The following TENM4 variants were observed in gnomAD, a reference collection of about 807,000 sequenced individuals.
TENM4 encodes teneurin transmembrane protein 4.
Under a neutral mutation model 243.3 loss-of-function variants are expected in TENM4, and 82 were observed. The observed-to-expected ratio is 0.34, with a 90% CI of 0.28 to 0.40. TENM4 has a LOEUF of 0.40. TENM4 is among the 10% of genes least tolerant of loss of function. The pLI is 1.00. For synonymous variants in TENM4, 1,412 were observed against 1,456.3 expected (o/e 0.97, Z 0.69); for missense variants, 3,138 against 3,673.3 (o/e 0.85, Z 3.77).
chr11:79,238,398 C>A (rs1478076659), intron 2 of TENM4, among the ~76,000 whole-genome samples: 1 of 152,120 alleles, frequency 6.6e-6, no homozygotes, highest in African/African-American at 2.4e-5. Flanking sequence ...CCCTTGAGGA[C>A]CTGAATAGAA....
intron 14 of TENM4, among the ~76,000 whole-genome samples, chr11:78,810,919 T>C (rs1857485917): frequency 6.6e-6 from 1 of 152,174 alleles, no homozygotes; most frequent in African/African-American, 2.4e-5. Flanking sequence ...GCACACAGCA[T>C]CATCCGTCAG....
At chr11:79,386,770 C>CA (rs1858121396) in intron 1 of TENM4, among the ~76,000 whole-genome samples, 2 of 149,890 alleles carry the variant, frequency 1.3e-5, no homozygotes. Context: ...TTTAAGTGAG[C>CA]AAAAAAATTT....
intron 10 of TENM4, among the ~76,000 whole-genome samples, chr11:78,857,446 G>A (rs1377323199): frequency 6.6e-6 from 1 of 152,112 alleles, no homozygotes; most frequent in Non-Finnish European, 1.5e-5. Flanking sequence ...ATGAAGCCTG[G>A]CAGGGCATTG....
intron 1 of TENM4, among the ~76,000 whole-genome samples, chr11:79,365,558 A>G (rs1356616205): frequency 8.5e-5 from 13 of 152,196 alleles, no homozygotes; most frequent in Non-Finnish European, 7.3e-5. Flanking sequence ...TCTATTCCAG[A>G]AACATTTTTG....
At chr11:79,363,053 C>A (rs1050414790) in intron 1 of TENM4, among the ~76,000 whole-genome samples, 3 of 152,216 alleles carry the variant, frequency 2.0e-5, no homozygotes, top group African/African-American at 7.2e-5. Context: ...AGGTGGATTG[C>A]AACTCCTGAT....
At chr11:78,921,564 C>T (rs1856448222) in intron 6 of TENM4, among the ~76,000 whole-genome samples, 1 of 152,222 alleles carries the variant, frequency 6.6e-6, no homozygotes, top group African/African-American at 2.4e-5. Flanking sequence ...GACTGTACAG[C>T]ATAGCGGGGC....
chr11:79,184,634 G>T (rs186320377), intron 3 of TENM4, among the ~76,000 whole-genome samples: 1 of 152,086 alleles, frequency 6.6e-6, no homozygotes, highest in Admixed American at 6.5e-5. Context: ...GACAAATACC[G>T]TATGATTCCA....
At chr11:79,315,587 C>T (rs1386726688) in intron 1 of TENM4, among the ~76,000 whole-genome samples, 1 of 152,190 alleles carries the variant, frequency 6.6e-6, no homozygotes. Flanking sequence ...TGTAGACACA[C>T]GGCATCAGGA....
chr11:79,074,956 C>A (rs938231603), intron 4 of TENM4, among the ~76,000 whole-genome samples: 1 of 152,188 alleles, frequency 6.6e-6, no homozygotes, highest in Non-Finnish European at 1.5e-5. Context: ...GCTCTCAGAC[C>A]CTGCTGCACC....
intron 6 of TENM4, among the ~76,000 whole-genome samples, chr11:78,992,457 C>T (rs571222927): frequency 6.6e-6 from 1 of 152,278 alleles, no homozygotes; most frequent in South Asian, 2.1e-4. Context: ...CTGTGCATTG[C>T]TTTAGGTTAG....
At chr11:79,225,011 T>C (rs1028564204) in intron 2 of TENM4, among the ~76,000 whole-genome samples, 4 of 151,612 alleles carry the variant, frequency 2.6e-5, no homozygotes, top group Admixed American at 6.6e-5. Flanking sequence ...ACAGGGAAGA[T>C]GCCAGGTGAA....
chr11:79,164,999 A>G (rs948617161), intron 3 of TENM4, among the ~76,000 whole-genome samples: 2 of 148,018 alleles, frequency 1.4e-5, no homozygotes, highest in African/African-American at 2.5e-5. Flanking sequence ...GTGTGTGTAT[A>G]CATATATATA....
chr11:78,876,656 T>C (rs952515887), intron 9 of TENM4, among the ~76,000 whole-genome samples: 5 of 152,198 alleles, frequency 3.3e-5, no homozygotes, highest in Non-Finnish European at 5.9e-5. Context: ...CTGCATAGAA[T>C]TGCCATCAGC....
chr11:79,062,384 GCT>G (rs71473397), intron 6 of TENM4, among the ~76,000 whole-genome samples: 39,823 of 152,006 alleles, frequency 0.26, 5,495 homozygotes, highest in Middle Eastern at 0.31. Context: ...ATTTCATTTA[GCT>G]CAGCTAGACC....
intron 1 of TENM4, among the ~76,000 whole-genome samples, chr11:79,348,619 T>G (rs1169224889): frequency 2.0e-5 from 3 of 152,168 alleles, no homozygotes. Flanking sequence ...ATGGTATTAG[T>G]GGTTTCATAA....
intron 12 of TENM4, among the ~76,000 whole-genome samples, chr11:78,827,725 G>A (rs1857889794): frequency 1.3e-5 from 2 of 152,072 alleles, no homozygotes; most frequent in South Asian, 4.1e-4. Context: ...CCAACCTCAG[G>A]TGATCTGCCT....
intron 6 of TENM4, among the ~76,000 whole-genome samples, chr11:78,905,157 T>C (rs530549506): frequency 2.2e-4 from 33 of 152,364 alleles, no homozygotes; most frequent in Admixed American, 2.0e-3. Context: ...GCTTCCTTTG[T>C]TCCTCATGAG....
At chr11:78,915,894 A>G (rs945321546) in intron 6 of TENM4, among the ~76,000 whole-genome samples, 1 of 152,196 alleles carries the variant, frequency 6.6e-6, no homozygotes, top group Non-Finnish European at 1.5e-5. Flanking sequence ...CTCTTGGAAA[A>G]GACACTGAGA....
At chr11:78,981,805 T>C (rs1380318581) in intron 6 of TENM4, among the ~76,000 whole-genome samples, 2 of 151,952 alleles carry the variant, frequency 1.3e-5, no homozygotes, top group African/African-American at 4.8e-5. Context: ...GTAGACAGAG[T>C]CTTCATAAAA....
Sources: gnomAD v4.1 joint callset for allele counts (sites outside exome capture counted in the v4.1 genomes callset) on GRCh38, gnomAD v4.1.1 for gene constraint, MANE v1.5 for transcripts, NCBI Gene and HGNC (gene_info 2026-07-23, HGNC 2026-07-21) for gene names.